The following LMBR1L variants were observed in gnomAD, a reference collection of about 807,000 sequenced individuals.
LMBR1L encodes limb development membrane protein 1 like, also known as protein LMBR1L.
Under a neutral mutation model 67.3 loss-of-function variants are expected in LMBR1L, and 47 were observed. That is an observed-to-expected ratio of 0.70 (90% CI 0.55 to 0.89). The LOEUF is 0.89. Ranked by LOEUF, LMBR1L falls within the 40% of genes least tolerant of loss-of-function variation. The pLI is 0.00. For missense variants in LMBR1L, 533 were observed against 599.2 expected (o/e 0.89, Z 1.15); for synonymous variants, 247 against 250.3 (o/e 0.99, Z 0.13).
At position 49,103,739 on chromosome 12, in the gene LMBR1L, C is replaced by T. The variant is rs1565592404; in HGVS notation, c.510G>A (p.Trp170Ter). The change falls in exon 6 of 17, where the codon TGG (tryptophan) becomes TGA (stop). Residue 170 changes from tryptophan (W) to a stop codon, truncating the protein, a stop_gained. Coordinates refer to ENST00000267102, the MANE Select transcript of LMBR1L (RefSeq NM_018113.4). LOFTEE classifies it high-confidence loss of function. ...TCTTGTCCACAATGGCTGATGCCACCCACACCATACCTAGCACCAGCAGAG... is the reference window on the plus strand; with the variant it reads ...TCTTGTCCACAATGGCTGATGCCACTCACACCATACCTAGCACCAGCAGAG... ...LLTLLVLGMV[W>*]VASAIVDKNK... 4 of 1,614,072 alleles carry T rather than the reference C, an allele frequency of 2.5e-6. No homozygotes were observed. Among genetic ancestry groups the T allele is most frequent in the Non-Finnish European group, 3.4e-6 (4 of 1,180,004 alleles).
At chr12:49,107,494 G>C (rs1941053300) in intron 1 of LMBR1L, among the ~76,000 whole-genome samples, 1 of 152,202 alleles carries the variant, frequency 6.6e-6, no homozygotes, top group Non-Finnish European at 1.5e-5. Context: ...GCACCCCATT[G>C]CTACCCCACC....
intron 11 of LMBR1L, 79 bp from the exon 12 acceptor site, chr12:49,101,628 G>T: frequency 9.6e-7 from 1 of 1,036,734 alleles, no homozygotes; most frequent in Non-Finnish European, 1.4e-6. Flanking sequence ...GCAGACTCTG[G>T]TCCAACATTT....
rs148552501 is a variant in LMBR1L, at chr12:49,104,402, G to A, written c.435+46C>T. The A allele has an allele frequency of 1.1e-4, 140 of 1,293,358 alleles. 1 individual carries two copies. In the African/African-American group the frequency reaches 1.7e-3, roughly 15 times the overall value. The allele number at this position is 1,293,358 out of a possible 1,614,324, so 80.1% of individuals were successfully genotyped here. ...ATTAAAATCTCTTCAGCTGAACCATGTGTGTGGAATTCCGTTTCCTGCCTG... is the reference window on the plus strand; with the variant it reads ...ATTAAAATCTCTTCAGCTGAACCATATGTGTGGAATTCCGTTTCCTGCCTG... On this transcript the variant is annotated intron_variant, in intron 5 of 16. Transcript: ENST00000267102.
At chr12:49,104,244 T>C in intron 5 of LMBR1L, 1 of 580,428 alleles carries the variant, frequency 1.7e-6, no homozygotes, top group South Asian at 2.1e-5. Context: ...TTCACATCCC[T>C]GGCTTCAGCT....
At chr12:49,105,689 C>T (rs1252682180) in intron 3 of LMBR1L, among the ~76,000 whole-genome samples, 2 of 152,176 alleles carry the variant, frequency 1.3e-5, no homozygotes, top group African/African-American at 2.4e-5. Context: ...CAGGCCCCAG[C>T]GGACGTTCCT....
At chr12:49,100,728 ACTT>A (rs900444255) in intron 13 of LMBR1L, 82 bp from the exon 14 acceptor site, 23 of 1,058,304 alleles carry the variant, frequency 2.2e-5, no homozygotes, top group East Asian at 2.1e-4. Context: ...CTCCCAGCCC[ACTT>A]CTTTTTTTTT....
chr12:49,100,559 C>T lies in LMBR1L; in HGVS notation c.1170G>A (p.Thr390=), dbSNP rs772354061. The change falls in exon 14 of 17, where the codon ACG becomes ACA. Residue 390 remains threonine, a synonymous_variant. Coordinates refer to ENST00000267102, the MANE Select transcript of LMBR1L (RefSeq NM_018113.4). The part of the protein sequence containing the change: ...LRPRWHDTAM[T]QIIGNCVCLL... The stretch of plus-strand genomic sequence containing the variant: ...TCCCTTACTCCCTCCCAGCTACCTG[C>T]GTCATGGCAGTGTCGTGCCATCTGG... 14 of 1,613,878 alleles carry T rather than the reference C, an allele frequency of 8.7e-6. No homozygotes were observed. In the African/African-American group the frequency reaches 1.7e-4, roughly 20 times the overall value.
In LMBR1L at chr12:49,104,447, C is replaced by G. The variant is rs775391869; in HGVS notation, c.435+1G>C. 6.2e-7 allele frequency: 1 copy of G among 1,600,354 alleles called. No homozygotes were observed. The highest frequency in any genetic ancestry group is 1.7e-5 in the Admixed American group (1 of 59,980). ...TGCCTGGATACATATCCCCTACTTA[C>G]CTTTCTGGAGCCAGCAAAGCCCTCA... On this transcript the variant is annotated splice_donor_variant, in intron 5 of 16. Transcript: ENST00000267102. LOFTEE classifies it high-confidence loss of function.
rs1205655565 is a variant in LMBR1L at position 49,097,347 on chromosome 12, C to T, written c.*325G>A. The T allele has an allele frequency of 3.3e-5, 11 of 332,544 alleles. No homozygotes were observed. 20.6% of individuals were successfully genotyped at this position (332,544 alleles called of 1,614,324 possible). ...TCCCTGCCCCTACCCCACCCTATTG[C>T]ACATCAAATCATGTAAACATGGCTA... On this transcript the variant is annotated 3_prime_UTR_variant, in exon 17 of 17. Coordinates refer to ENST00000267102, the MANE Select transcript of LMBR1L (RefSeq NM_018113.4).
rs377594070 is a variant in LMBR1L, at chr12:49,100,573, C to T, written c.1156G>A (p.Asp386Asn). The T allele has an allele frequency of 3.3e-5, 53 of 1,613,932 alleles. No homozygotes were observed. The highest frequency in any genetic ancestry group is 3.8e-5 in the Non-Finnish European group (45 of 1,179,956). ...CCAGCTACCTGCGTCATGGCAGTGT[C>T]GTGCCATCTGGGCCGCAGGCTCCGG... ...LFRSLRPRWH[D>N]TAMTQIIGNC... Residue 386 changes from aspartate to asparagine, a missense_variant, in exon 14 of 17, where the codon GAC becomes AAC. Around this residue, in one of 3 missense-constraint regions of LMBR1L, gnomAD observed 223 missense variants for 241.2 expected, o/e 0.92. Coordinates refer to ENST00000267102, the MANE Select transcript of LMBR1L (RefSeq NM_018113.4).
At position 49,097,623 on chromosome 12, in the gene LMBR1L, G is replaced by A. The variant is rs200146930; in HGVS notation, c.*49C>T. On this transcript the variant is annotated 3_prime_UTR_variant, in exon 17 of 17. Transcript: ENST00000267102. ...GCCTTGGGCTTCCCTCCAGGCCTAG[G>A]CAGCAGATGGCAGTGTCCAGTTTTT... 31 of 1,583,860 alleles carry A rather than the reference G, an allele frequency of 2.0e-5. No homozygotes were observed. The Admixed American group carries it at 4.8e-4, about 25-fold the overall frequency.
Position 49,104,792 on chromosome 12 carries a change from C to T in LMBR1L, c.285G>A (p.Leu95=), listed in dbSNP as rs1940688804. Residue 95 remains leucine, a synonymous_variant, in exon 4 of 17, where the codon CTG becomes CTA. Transcript: ENST00000267102. ...GCCACTGGATGTAGTAGTTCCGAGG[C>T]AGGGAGAGCAGCACCTCATTGCTGA... ...SIISNEVLLS[L]PRNYYIQWLN... 6.2e-7 allele frequency: 1 copy of T among 1,613,668 alleles called. No individual in the cohort carries two copies. The highest frequency in any genetic ancestry group is 1.3e-5 in the African/African-American group (1 of 74,902).
intron 2 of LMBR1L, chr12:49,106,648 G>T: frequency 7.4e-7 from 1 of 1,358,626 alleles, no homozygotes; most frequent in Non-Finnish European, 9.8e-7. Context: ...TCCAGCAGTT[G>T]CTCACTTCAG....
At chr12:49,098,796 T>C (rs953931932) in intron 15 of LMBR1L, among the ~76,000 whole-genome samples, 2 of 152,066 alleles carry the variant, frequency 1.3e-5, no homozygotes, top group African/African-American at 4.8e-5. Flanking sequence ...AAGAATGAAA[T>C]AGAGCTGTTT....
intron 1 of LMBR1L, 88 bp from the exon 2 acceptor site, chr12:49,107,133 C>A: frequency 1.2e-6 from 1 of 852,076 alleles, no homozygotes; most frequent in Non-Finnish European, 2.0e-6. Flanking sequence ...TCCAGGCCAT[C>A]ACTTCCTCAA....
intron 11 of LMBR1L, 57 bp from the exon 12 acceptor site, chr12:49,101,606 CT>C (rs1179500333): frequency 3.8e-6 from 5 of 1,309,260 alleles, no homozygotes; most frequent in Non-Finnish European, 5.4e-6. Context: ...GGACCCAGAG[CT>C]AAAGGAATGG....
At chr12:49,100,309 A>T (rs963914344) in intron 15 of LMBR1L, 79 bp downstream of exon 15, 18 of 1,054,982 alleles carry the variant, frequency 1.7e-5, no homozygotes, top group Non-Finnish European at 2.5e-5. Flanking sequence ...TAGAGAAATT[A>T]TGTATATAAA....
chr12:49,105,690 G>T (rs867690858), intron 3 of LMBR1L, among the ~76,000 whole-genome samples: 1 of 152,168 alleles, frequency 6.6e-6, no homozygotes, highest in Admixed American at 6.5e-5. Context: ...AGGCCCCAGC[G>T]GACGTTCCTG....
intron 1 of LMBR1L, chr12:49,109,643 G>C (rs887697376): frequency 1.1e-5 from 5 of 454,868 alleles, no homozygotes; most frequent in African/African-American, 1.0e-4. Context: ...CTCTGGGGAA[G>C]GACACAGGAG....
Sources: allele counts gnomAD v4.1 joint callset (sites outside exome capture counted in the v4.1 genomes callset), GRCh38; gene constraint gnomAD v4.1.1; regional missense constraint gnomAD v4.1.1; transcripts MANE v1.5; gene names NCBI Gene and HGNC (gene_info 2026-07-23, HGNC 2026-07-21).